CPNE2: variants seen among roughly 807,000 people sequenced by gnomAD.
CPNE2 encodes copine 2.
Under a neutral mutation model 69.7 loss-of-function variants are expected in CPNE2, and 42 were observed. The observed-to-expected ratio is 0.60, with a 90% CI of 0.47 to 0.78. CPNE2 has a LOEUF of 0.78. Ranked by LOEUF, CPNE2 falls within the 30% of genes least tolerant of loss-of-function variation. The pLI is 0.00. For synonymous variants in CPNE2, 294 were observed against 289.8 expected, an observed-to-expected ratio of 1.01 and a Z score of -0.15; for missense variants, 587 against 732.0, an observed-to-expected ratio of 0.80 and a Z score of 2.29.
At position 57,130,492 on chromosome 16, in the gene CPNE2, C is replaced by T. The variant is rs2069829999; in HGVS notation, c.1116+2589C>T. ...GAAGGAGGGAGGGGCAGAAAGCAAACCCATAAGTAGCAGCATTTATTGGGC... is the reference window on the plus strand; with the variant it reads ...GAAGGAGGGAGGGGCAGAAAGCAAATCCATAAGTAGCAGCATTTATTGGGC... On this transcript the variant is annotated intron_variant, in intron 12 of 15. Coordinates refer to ENST00000290776, the MANE Select transcript of CPNE2 (RefSeq NM_152727.6). The surrounding 1 kb of genome is among the most constrained non-coding windows in gnomAD (Gnocchi z 4.1). Among the ~76,000 whole-genome samples, 1 of 152,028 alleles carries T rather than the reference C, an allele frequency of 6.6e-6. No homozygotes were observed. Among genetic ancestry groups the T allele is most frequent in the African/African-American group, 2.4e-5 (1 of 41,394 alleles).
At chr16:57,131,506 G>A (rs1197632198) in intron 12 of CPNE2, among the ~76,000 whole-genome samples, 1 of 152,236 alleles carries the variant, frequency 6.6e-6, no homozygotes, top group Non-Finnish European at 1.5e-5. Context: ...GGCCCAGCAC[G>A]AGCCCGTTGC....
chr16:57,140,720 AC>A (rs2069915449), intron 14 of CPNE2, among the ~76,000 whole-genome samples: 1 of 151,790 alleles, frequency 6.6e-6, no homozygotes, highest in Admixed American at 6.6e-5. Context: ...ACCTGCCACC[AC>A]GCCGGGCTAA....
rs927840431 is a variant in CPNE2, at chr16:57,146,587, C to A, written c.1539+266C>A. Reference sequence around the variant, plus strand: ...TCTAGCCTGAGGCTCTGGGGCAGGGCTTCCTGGAGGACCTGCCCTCTAGTG... The same window carrying A: ...TCTAGCCTGAGGCTCTGGGGCAGGGATTCCTGGAGGACCTGCCCTCTAGTG... On this transcript the variant is annotated intron_variant, in intron 15 of 15. Coordinates refer to ENST00000290776, the MANE Select transcript of CPNE2 (RefSeq NM_152727.6). This position sits in a 1 kb window ranked among gnomAD's most constrained non-coding sequence, Gnocchi z 4.4. The A allele has an allele frequency of 1.3e-5, 6 of 471,660 alleles. No individual in the cohort carries two copies. The highest frequency in any genetic ancestry group is 1.5e-5 in the Non-Finnish European group (4 of 260,858). The allele number at this position is 471,660 out of a possible 1,614,324, so 29.2% of individuals were successfully genotyped here. A position where few individuals can be genotyped will look rare whatever the true frequency, so the allele number is the denominator to read the frequency against.
chr16:57,142,566 T>C (rs2069930458), intron 14 of CPNE2: 1 of 152,358 alleles, frequency 6.6e-6, no homozygotes. Context: ...GAAGGTCTTA[T>C]GCAGGTTTGA....
chr16:57,146,697 GCC>G lies in CPNE2; in HGVS notation c.1539+380_1539+381del, dbSNP rs1251042099. 5.1e-6 allele frequency: 1 copy of G among 195,642 alleles called. No homozygotes were observed. The highest frequency in any genetic ancestry group is 1.1e-5 in the Non-Finnish European group (1 of 94,772). The allele number at this position is 195,642 out of a possible 1,614,324, so 12.1% of individuals were successfully genotyped here. Reference sequence around the variant, plus strand: ...TTTCCTGATCATCACGCCCCAGCAAGCCCCCTCATTTTGTAGACGGAAAACAA... The same window carrying G: ...TTTCCTGATCATCACGCCCCAGCAAGCCCTCATTTTGTAGACGGAAAACAA... On this transcript the variant is annotated intron_variant, in intron 15 of 15. Transcript: ENST00000290776. This position sits in a 1 kb window ranked among gnomAD's most constrained non-coding sequence, Gnocchi z 4.4.
intron 12 of CPNE2, 108 bp from the exon 13 acceptor site, chr16:57,134,667 G>T: frequency 2.6e-6 from 3 of 1,163,984 alleles, no homozygotes; most frequent in Non-Finnish European, 3.8e-6. Context: ...AGGGGTGGGG[G>T]TTATGAGCCG....
chr16:57,141,662 C>G (rs1012728833), intron 14 of CPNE2: 3 of 152,242 alleles, frequency 2.0e-5, no homozygotes, highest in Admixed American at 6.5e-5. Flanking sequence ...CCAGCTCCCC[C>G]ACTTCCTGAC....
At chr16:57,113,610 C>A in intron 3 of CPNE2, 143 bp downstream of exon 3, 2 of 885,422 alleles carry the variant, frequency 2.3e-6, no homozygotes, top group East Asian at 2.7e-5. Context: ...ACAGTCTTGG[C>A]GGGTTCAAGG....
chr16:57,117,756 T>G (rs1363227100), intron 5 of CPNE2, among the ~76,000 whole-genome samples, 189 bp downstream of exon 5: 1 of 152,190 alleles, frequency 6.6e-6, no homozygotes, highest in Non-Finnish European at 1.5e-5. Flanking sequence ...GTTCCATCCC[T>G]TAGGGGTATT....
At chr16:57,123,566 G>C in intron 10 of CPNE2, 93 bp downstream of exon 10, 1 of 1,380,530 alleles carries the variant, frequency 7.2e-7, no homozygotes, top group Non-Finnish European at 1.0e-6. Context: ...GAGGGACTTA[G>C]GGTAGACTTC....
intron 7 of CPNE2, 124 bp downstream of exon 7, chr16:57,119,774 T>C: frequency 1.6e-6 from 1 of 641,180 alleles, no homozygotes; most frequent in South Asian, 2.1e-5. Context: ...CCCCCATCTT[T>C]GGAGGAGGGA....
chr16:57,110,097 C>T (rs918597489), intron 1 of CPNE2, among the ~76,000 whole-genome samples: 2 of 152,166 alleles, frequency 1.3e-5, no homozygotes, highest in East Asian at 1.9e-4. Flanking sequence ...ATTTGTTGCT[C>T]ATGTGACGGA....
intron 9 of CPNE2, 46 bp from the exon 10 acceptor site, chr16:57,123,368 T>C (rs2069776743): frequency 1.9e-6 from 3 of 1,597,698 alleles, no homozygotes; most frequent in Non-Finnish European, 2.6e-6. Flanking sequence ...CCATGGGGAG[T>C]GTGACCAAGT....
chr16:57,126,053 G>A, intron 11 of CPNE2, 60 bp downstream of exon 11: 1 of 1,599,342 alleles, frequency 6.3e-7, no homozygotes, highest in Non-Finnish European at 8.5e-7. Context: ...GGGAAGCTCA[G>A]TGTATCAAAG....
chr16:57,140,427 C>T (rs1279026565), intron 14 of CPNE2, among the ~76,000 whole-genome samples: 2 of 152,090 alleles, frequency 1.3e-5, no homozygotes, highest in Admixed American at 6.6e-5. Context: ...CCGCCTCAGC[C>T]TCCCAAAGTG....
chr16:57,100,148 G>A (rs1160228451), intron 1 of CPNE2, among the ~76,000 whole-genome samples: 2 of 151,854 alleles, frequency 1.3e-5, no homozygotes, highest in African/African-American at 2.4e-5. Flanking sequence ...CAAGTGATCC[G>A]CCCACCTCAG....
chr16:57,125,088 T>TC lies in CPNE2; in HGVS notation c.928-768dup, dbSNP rs2069790934. ...ACTGAGTTCCCATGTAGCCAAATCT[T>TC]CCCCGGGGTCCTACTTCTAACCCTC... is the stretch of plus-strand genomic sequence containing the variant. On this transcript the variant is annotated intron_variant, in intron 10 of 15. Coordinates refer to ENST00000290776, the MANE Select transcript of CPNE2 (RefSeq NM_152727.6). 9.1e-6 allele frequency: 3 copies of TC among 329,742 alleles called. 1 individual carries two copies. The highest frequency in any genetic ancestry group is 7.0e-5 in the South Asian group (3 of 42,690). The allele number at this position is 329,742 out of a possible 1,614,324, so 20.4% of individuals were successfully genotyped here.
In CPNE2 at chr16:57,146,424, C is replaced by A; in HGVS notation, c.1539+103C>A. The A allele has an allele frequency of 1.0e-6, 1 of 980,050 alleles. No individual in the cohort carries two copies. The allele number at this position is 980,050 out of a possible 1,614,324, so 60.7% of individuals were successfully genotyped here. On this transcript the variant is annotated intron_variant, in intron 15 of 15. Coordinates refer to ENST00000290776, the MANE Select transcript of CPNE2 (RefSeq NM_152727.6). The surrounding 1 kb of genome is among the most constrained non-coding windows in gnomAD (Gnocchi z 4.4). Reference sequence around the variant, plus strand: ...TGGGGTTGTCTGGCCCAATCCTAGACTTCTCCACTCCATTGACTATGCTCT... The same window carrying A: ...TGGGGTTGTCTGGCCCAATCCTAGAATTCTCCACTCCATTGACTATGCTCT...
intron 1 of CPNE2, among the ~76,000 whole-genome samples, chr16:57,108,957 C>T (rs1374748650): frequency 2.0e-5 from 3 of 152,154 alleles, no homozygotes; most frequent in Non-Finnish European, 2.9e-5. Flanking sequence ...ATACACTCAT[C>T]CTTTTTTCAT....
Sources: allele counts gnomAD v4.1 joint callset (sites outside exome capture counted in the v4.1 genomes callset), GRCh38; gene constraint gnomAD v4.1.1; non-coding constraint Gnocchi (gnomAD v3.1); transcripts MANE v1.5; gene names NCBI Gene and HGNC (gene_info 2026-07-23, HGNC 2026-07-21).